Variants in ITGAV observed in about 807,000 individuals in gnomAD.
ITGAV encodes integrin subunit alpha V, also known as integrin alpha-V.
In ITGAV, 76 loss-of-function variants were observed where a neutral mutation model predicts 143.8. The ratio of observed to expected loss-of-function variants is 0.53; its 90% CI spans 0.44 to 0.64. ITGAV has a LOEUF of 0.64. ITGAV is among the 30% of genes least tolerant of loss of function. The pLI is 0.00. For synonymous variants in ITGAV, 453 were observed against 446.7 expected (o/e 1.01, Z -0.18); for missense variants, 1,193 against 1,274.7 (o/e 0.94, Z 0.98).
chr2:186,673,558 T>C (rs1482728496), intron 26 of ITGAV, among the ~76,000 whole-genome samples: 1 of 152,170 alleles, frequency 6.6e-6, no homozygotes, highest in African/African-American at 2.4e-5. Context: ...TTATTTATTC[T>C]ACCATTTTTT....
chr2:186,670,012 A>G, intron 26 of ITGAV, 198 bp downstream of exon 26: 1 of 523,046 alleles, frequency 1.9e-6, no homozygotes, highest in South Asian at 2.3e-5. Context: ...ATTTTTGTAG[A>G]TGGCTAATAA....
At chr2:186,664,349 A>C in intron 19 of ITGAV, 145 bp from the exon 20 acceptor site, 1 of 731,020 alleles carries the variant, frequency 1.4e-6, no homozygotes, top group South Asian at 2.2e-5. Flanking sequence ...TCTGTTTTCT[A>C]TCAAGCTGTG....
rs182305005 is a variant in ITGAV at position 186,639,582 on chromosome 2, T to G, written c.903+1117T>G. On this transcript the variant is annotated intron_variant, in intron 10 of 29. Coordinates refer to ENST00000261023, the MANE Select transcript of ITGAV (RefSeq NM_002210.5). ...TCAATGATACTTGCTTTATTCCTCC[T>G]TCCACTATTGGGAAGTGGGGGTGGC... is the stretch of plus-strand genomic sequence containing the variant. 2.8e-4 allele frequency among the ~76,000 whole-genome samples: 43 copies of G among 152,314 alleles called. 1 individual carries two copies. The highest frequency in any genetic ancestry group is 3.4e-3 in the Middle Eastern group (1 of 294).
In ITGAV at chr2:186,665,141, T is replaced by A. The variant is rs771066333; in HGVS notation, c.2089T>A (p.Ser697Thr). The change falls in exon 21 of 30, where the codon TCC becomes ACC. Residue 697 changes from serine (S) to threonine (T), a missense_variant. Coordinates refer to ENST00000261023, the MANE Select transcript of ITGAV (RefSeq NM_002210.5). ...TCTATCAAAGGCCTTAGCAAGACTTTCCTGTGCATTTAAGACAGAAAACCA... is the reference window on the plus strand; with the variant it reads ...TCTATCAAAGGCCTTAGCAAGACTTACCTGTGCATTTAAGACAGAAAACCA... ...VRNNEALARL[S>T]CAFKTENQTR... 6.2e-7 allele frequency: 1 copy of A among 1,607,816 alleles called. No homozygotes were observed. Among genetic ancestry groups the A allele is most frequent in the Admixed American group, 1.7e-5 (1 of 59,824 alleles).
At chr2:186,622,161 A>G (rs1170945057) in intron 2 of ITGAV, among the ~76,000 whole-genome samples, 178 bp from the exon 3 acceptor site, 3 of 152,166 alleles carry the variant, frequency 2.0e-5, no homozygotes, top group Admixed American at 6.5e-5. Context: ...CATGTATCCT[A>G]TGTTTCTGAT....
chr2:186,669,019 A>G (rs1419354854), intron 25 of ITGAV, 99 bp downstream of exon 25: 2 of 1,103,370 alleles, frequency 1.8e-6, no homozygotes, highest in South Asian at 1.6e-5. Flanking sequence ...CTATTTTAAT[A>G]TAAAACCCAC....
intron 5 of ITGAV, among the ~76,000 whole-genome samples, chr2:186,632,152 A>T (rs1222651079): frequency 4.6e-5 from 7 of 152,148 alleles, no homozygotes; most frequent in African/African-American, 9.7e-5. Flanking sequence ...TCTAAATTTC[A>T]TACTATATTA....
intron 4 of ITGAV, among the ~76,000 whole-genome samples, chr2:186,628,393 A>C (rs1247051513): frequency 6.6e-6 from 1 of 152,104 alleles, no homozygotes; most frequent in East Asian, 1.9e-4. Context: ...CACCGTGGAC[A>C]AGGAACTTCA....
intron 5 of ITGAV, 85 bp downstream of exon 5, chr2:186,630,943 A>G: frequency 1.5e-6 from 1 of 653,274 alleles, no homozygotes; most frequent in Non-Finnish European, 2.8e-6. Context: ...CAATACCTCA[A>G]CTCCTTTACA....
intron 14 of ITGAV, among the ~76,000 whole-genome samples, chr2:186,650,334 G>A (rs185053529): frequency 3.9e-4 from 60 of 152,194 alleles, no homozygotes; most frequent in African/African-American, 1.2e-3. Context: ...CCAAGTAGGT[G>A]GGGTTACAGG....
chr2:186,646,362 A>G (rs1303274195), intron 12 of ITGAV, among the ~76,000 whole-genome samples: 1 of 152,160 alleles, frequency 6.6e-6, no homozygotes, highest in Admixed American at 6.5e-5. Context: ...TGGTCCAGAA[A>G]GTTTAAGTGA....
chr2:186,625,678 T>TGTGAGTGA, intron 4 of ITGAV, 91 bp downstream of exon 4: 1 of 451,372 alleles, frequency 2.2e-6, no homozygotes. Flanking sequence ...TGTGTGTGTG[T>TGTGAGTGA]GAGAGAGAGA....
Position 186,659,130 on chromosome 2 carries a change from G to A in ITGAV, c.1812G>A (p.Leu604=), listed in dbSNP as rs751749245. 1 of 1,613,032 alleles carries A rather than the reference G, an allele frequency of 6.2e-7. No homozygotes were observed. Among genetic ancestry groups the A allele is most frequent in the Admixed American group, 1.7e-5 (1 of 59,932 alleles). The change falls in exon 18 of 30, where the codon TTG becomes TTA. Residue 604 remains leucine, a synonymous_variant. Transcript: ENST00000261023. ...GAACAGCTGCTGATACAACAGGCTT[G>A]CAACCCATTCTTAACCAGTTCACGC... ...DYRTAADTTG[L]QPILNQFTPA...
intron 5 of ITGAV, among the ~76,000 whole-genome samples, 177 bp from the exon 6 acceptor site, chr2:186,633,152 A>G (rs979599407): frequency 1.7e-4 from 26 of 152,018 alleles, no homozygotes; most frequent in Admixed American, 1.2e-3. Context: ...AAAAAAAAAA[A>G]AAAGTCTTAT....
At chr2:186,664,379 T>G in intron 19 of ITGAV, 115 bp from the exon 20 acceptor site, 30 of 990,390 alleles carry the variant, frequency 3.0e-5, no homozygotes, top group Non-Finnish European at 4.2e-5. Context: ...TAAAATACCT[T>G]GAGACACTGT....
At chr2:186,659,002 G>A in intron 17 of ITGAV, 36 bp from the exon 18 acceptor site, 1 of 1,554,716 alleles carries the variant, frequency 6.4e-7, no homozygotes, top group Non-Finnish European at 8.8e-7. Context: ...AATTTAGGTT[G>A]ACGTTATCAT....
In ITGAV at chr2:186,677,484, C is replaced by T; in HGVS notation, c.*192C>T. The T allele has an allele frequency of 1.9e-6, 1 of 513,034 alleles. No homozygotes were observed. Among genetic ancestry groups the T allele is most frequent in the Non-Finnish European group, 3.5e-6 (1 of 286,398 alleles). The allele number at this position is 513,034 out of a possible 1,614,324, so 31.8% of individuals were successfully genotyped here. Reference sequence around the variant, plus strand: ...ATAAGTTCAGACATACATTTAATAACATAGGGTGACTTGTGTTTTTAGGTA... The same window carrying T: ...ATAAGTTCAGACATACATTTAATAATATAGGGTGACTTGTGTTTTTAGGTA... On this transcript the variant is annotated 3_prime_UTR_variant, in exon 30 of 30. Coordinates refer to ENST00000261023, the MANE Select transcript of ITGAV (RefSeq NM_002210.5).
chr2:186,646,599 T>C (rs1340833388), intron 12 of ITGAV, 87 bp from the exon 13 acceptor site: 1 of 923,914 alleles, frequency 1.1e-6, no homozygotes, highest in Non-Finnish European at 1.6e-6. Flanking sequence ...CTTCCCCCCT[T>C]CTCTCGTTCC....
At chr2:186,624,940 GCTAA>G (rs909029146) in intron 3 of ITGAV, among the ~76,000 whole-genome samples, 5 of 79,374 alleles carry the variant, frequency 6.3e-5, no homozygotes, top group Admixed American at 1.8e-4. Flanking sequence ...TAACAATTTT[GCTAA>G]CTATTTTGAA....
Sources: gnomAD v4.1 joint callset for allele counts (sites outside exome capture counted in the v4.1 genomes callset) on GRCh38, gnomAD v4.1.1 for gene constraint, MANE v1.5 for transcripts, NCBI Gene and HGNC (gene_info 2026-07-23, HGNC 2026-07-21) for gene names.